Variants in MTFR1 observed in about 807,000 individuals in gnomAD.
MTFR1 encodes chondrocyte protein with a poly-proline region.
MTFR1 carries 28 observed loss-of-function variants against 38.8 expected under a neutral mutation model. The observed-to-expected ratio is 0.72, with a 90% CI of 0.53 to 0.99. The LOEUF (loss-of-function observed/expected upper bound fraction) is 0.99, where lower values mean the gene tolerates loss of function less well. Ranked by LOEUF, MTFR1 falls within the 50% of genes least tolerant of loss-of-function variation. The pLI, the probability that MTFR1 is intolerant of heterozygous loss-of-function variation, is 0.00. For synonymous variants in MTFR1, 145 were observed against 137.0 expected (o/e 1.06, Z -0.41); for missense variants, 358 against 395.5 (o/e 0.91, Z 0.81).
rs1360084660 is a variant in MTFR1, at chr8:65,698,324, A to G, written c.281+4565A>G. On this transcript the variant is annotated intron_variant, in intron 4 of 7. Coordinates refer to ENST00000262146, the MANE Select transcript of MTFR1 (RefSeq NM_014637.4). ...CCACCATGCCTGGCTGTTTTTTGTAAAGATGGGTTTTCGCCATGTTGCCCA... is the reference window on the plus strand; with the variant it reads ...CCACCATGCCTGGCTGTTTTTTGTAGAGATGGGTTTTCGCCATGTTGCCCA... Among the ~76,000 whole-genome samples the G allele has an allele frequency of 2.0e-5, 3 of 151,442 alleles. No homozygotes were observed. In the East Asian group the frequency reaches 5.8e-4, roughly 29 times the overall value.
chr8:65,680,112 G>C (rs1335484644), intron 2 of MTFR1, among the ~76,000 whole-genome samples: 1 of 150,082 alleles, frequency 6.7e-6, no homozygotes, highest in East Asian at 2.0e-4. Flanking sequence ...TATGGCAGGT[G>C]CCAGGGGTAT....
At chr8:65,741,072 T>C (rs542092968) in intron 3 of MTFR1, among the ~76,000 whole-genome samples, 1 of 152,344 alleles carries the variant, frequency 6.6e-6, no homozygotes, top group East Asian at 1.9e-4. Context: ...GATGTTTCGT[T>C]TTCCCTTCCA....
At position 65,704,400 on chromosome 8, in the gene MTFR1, G is replaced by A. The variant is rs546377683; in HGVS notation, c.282-294G>A. Among the ~76,000 whole-genome samples, 7 of 152,260 alleles carry A rather than the reference G, an allele frequency of 4.6e-5. No homozygotes were observed. The East Asian group carries it at 7.7e-4, about 17-fold the overall frequency. ...TTCTTAGTTCAAATCAAAAGAAAAC[G>A]TCAATTAGCAAAAACTTTGCTAAAA... On this transcript the variant is annotated intron_variant, in intron 4 of 7. Transcript: ENST00000262146.
chr8:65,728,252 T>C (rs142588457), intron 3 of MTFR1: 6 of 152,358 alleles, frequency 3.9e-5, no homozygotes, highest in Non-Finnish European at 5.9e-5. Context: ...TGGATTATTA[T>C]ACTGAACTAA....
At chr8:65,768,561 T>C (rs1264600299) in intron 3 of MTFR1, among the ~76,000 whole-genome samples, 1 of 152,230 alleles carries the variant, frequency 6.6e-6, no homozygotes, top group Non-Finnish European at 1.5e-5. Context: ...AATAAACCTC[T>C]TTCTTTTGTA....
At chr8:65,747,625 A>T (rs1807735835) in intron 3 of MTFR1, 1 of 1,476,000 alleles carries the variant, frequency 6.8e-7, no homozygotes, top group African/African-American at 1.4e-5. Context: ...CAAAAAATTA[A>T]TGTTTTCTTA....
chr8:65,728,950 CAA>C (rs1238849886), intron 3 of MTFR1, among the ~76,000 whole-genome samples: 1 of 151,986 alleles, frequency 6.6e-6, no homozygotes, highest in African/African-American at 2.4e-5. Context: ...ACTTTAAAAA[CAA>C]ATCACACATG....
At chr8:65,644,192 G>A (rs895341302), upstream of MTFR1, among the ~76,000 whole-genome samples, 12 of 152,272 alleles carry the variant, frequency 7.9e-5, no homozygotes, top group Admixed American at 7.2e-4. Context: ...TGCCCCAAAT[G>A]AATCGGACTG....
At chr8:65,724,387 A>G in intron 3 of MTFR1, 1 of 1,400,506 alleles carries the variant, frequency 7.1e-7, no homozygotes, top group African/African-American at 1.4e-5. Flanking sequence ...TTTAAGATAT[A>G]TACACACTTG....
chr8:65,763,316 A>G (rs531885706), intron 3 of MTFR1, among the ~76,000 whole-genome samples: 12 of 152,324 alleles, frequency 7.9e-5, no homozygotes, highest in African/African-American at 2.2e-4. Flanking sequence ...TGTTAATCCC[A>G]GCACTTTGGG....
downstream of MTFR1, among the ~76,000 whole-genome samples, chr8:65,772,861 A>C (rs1273682770): frequency 6.6e-6 from 1 of 152,118 alleles, no homozygotes; most frequent in Non-Finnish European, 1.5e-5. Flanking sequence ...AAAAAAAATT[A>C]GCCAGGTGTG....
At chr8:65,776,300 A>G in the MTFR1 span, among the ~76,000 whole-genome samples, 2 of 152,152 alleles carry the variant, frequency 1.3e-5, no homozygotes, top group African/African-American at 2.4e-5. Flanking sequence ...ATTCTATAGT[A>G]TGCCTTTATT....
intron 3 of MTFR1, among the ~76,000 whole-genome samples, chr8:65,770,216 G>A (rs1206976692): frequency 6.6e-6 from 1 of 150,758 alleles, no homozygotes; most frequent in African/African-American, 2.4e-5. Context: ...AAGCACTCTA[G>A]TCCTTCACCT....
rs1191877590 is a variant in MTFR1, at chr8:65,704,780, T to TGTC, written c.369_371dup (p.Ser124dup). On this transcript the variant is annotated inframe_insertion, in exon 5 of 8. Transcript: ENST00000262146. ...AGCAGACAGATTTCCTTACCAGACT[T>TGTC]GTCTCAAGAAGAGCCTCAGCTGAAG... 1 of 1,614,116 alleles carries TGTC rather than the reference T, an allele frequency of 6.2e-7. No homozygotes were observed. The highest frequency in any genetic ancestry group is 2.2e-5 in the East Asian group (1 of 44,850).
At chr8:65,765,031 G>C (rs1322245600) in intron 3 of MTFR1, among the ~76,000 whole-genome samples, 2 of 152,146 alleles carry the variant, frequency 1.3e-5, no homozygotes, top group Admixed American at 1.3e-4. Flanking sequence ...AATATACTCA[G>C]TCTCTACTAT....
intron 7 of MTFR1, 33 bp downstream of exon 7, chr8:65,708,044 T>C (rs1449475321): frequency 1.2e-5 from 19 of 1,608,312 alleles, no homozygotes; most frequent in Non-Finnish European, 1.5e-5. Context: ...TTTCCTGTTA[T>C]GTAGAAATCC....
downstream of MTFR1, among the ~76,000 whole-genome samples, chr8:65,711,798 C>T (rs192267171): frequency 3.3e-5 from 5 of 152,330 alleles, no homozygotes; most frequent in Admixed American, 3.3e-4. Flanking sequence ...TTCATATGGT[C>T]TAGAAGCCTT....
At chr8:65,717,344 TTTTC>T (rs869237233) in intron 2 of MTFR1, among the ~76,000 whole-genome samples, 1 of 152,254 alleles carries the variant, frequency 6.6e-6, no homozygotes, top group Non-Finnish European at 1.5e-5. Context: ...TGGAGTGGCC[TTTTC>T]TTATCACTTT....
At chr8:65,682,080 T>G (rs1477213293) in intron 2 of MTFR1, 2 of 176,788 alleles carry the variant, frequency 1.1e-5, no homozygotes, top group East Asian at 2.9e-4. Context: ...AAATTTTTAC[T>G]GTAAGTATAG....
Sources: allele counts gnomAD v4.1 joint callset (sites outside exome capture counted in the v4.1 genomes callset), GRCh38; gene constraint gnomAD v4.1.1; transcripts MANE v1.5; gene names NCBI Gene and HGNC (gene_info 2026-07-23, HGNC 2026-07-21).